NUDCD3: variants seen among roughly 807,000 people sequenced by gnomAD.
The protein encoded by NUDCD3 is NudC domain containing 3.
NUDCD3 carries 13 observed loss-of-function variants against 39.7 expected under a neutral mutation model. That is an observed-to-expected ratio of 0.33 (90% confidence interval 0.21 to 0.52). The LOEUF (loss-of-function observed/expected upper bound fraction) is 0.52. Ranked by LOEUF, NUDCD3 falls within the 20% of genes least tolerant of loss-of-function variation. The pLI is 0.96. For missense variants in NUDCD3, 453 were observed against 458.1 expected (o/e 0.99, Z 0.10); for synonymous variants, 175 against 172.4 (o/e 1.02, Z -0.12).
chr7:44,393,072 A>T (rs1019198815), intron 4 of NUDCD3, among the ~76,000 whole-genome samples: 6 of 152,108 alleles, frequency 3.9e-5, no homozygotes, highest in African/African-American at 1.4e-4. Flanking sequence ...TCCTCACCCC[A>T]TGACAGGGCA....
intron 2 of NUDCD3, among the ~76,000 whole-genome samples, chr7:44,462,657 T>TG (rs1193268925): frequency 4.6e-5 from 7 of 152,220 alleles, no homozygotes; most frequent in Non-Finnish European, 8.8e-5. Context: ...TAGGTGTCCT[T>TG]GGGGCAGTCA....
intron 2 of NUDCD3, among the ~76,000 whole-genome samples, chr7:44,452,336 T>C (rs1330548697): frequency 6.6e-6 from 1 of 152,210 alleles, no homozygotes; most frequent in African/African-American, 2.4e-5. Context: ...CTTGGGAGGC[T>C]GAGGTAAGAG....
chr7:44,435,271 G>A (rs1206881100), intron 2 of NUDCD3, among the ~76,000 whole-genome samples: 2 of 152,160 alleles, frequency 1.3e-5, no homozygotes, highest in African/African-American at 4.8e-5. Context: ...AGAGTTCCTG[G>A]AGATGTAGCT....
At chr7:44,444,642 C>T (rs557465002) in intron 2 of NUDCD3, among the ~76,000 whole-genome samples, 16 of 152,284 alleles carry the variant, frequency 1.1e-4, no homozygotes, top group African/African-American at 3.6e-4. Flanking sequence ...TTAATTAGCA[C>T]GCACCCACTA....
chr7:44,408,813 G>C (rs1268426276), intron 3 of NUDCD3, among the ~76,000 whole-genome samples: 1 of 152,160 alleles, frequency 6.6e-6, no homozygotes, highest in Non-Finnish European at 1.5e-5. Flanking sequence ...CCGCATTCCT[G>C]GTACAGCGTA....
In NUDCD3 at chr7:44,437,751, A is replaced by G. The variant is rs1309969962; in HGVS notation, c.510-10048T>C. Among the ~76,000 whole-genome samples, 4 of 152,244 alleles carry G rather than the reference A, an allele frequency of 2.6e-5. No homozygotes were observed. In the South Asian group the frequency reaches 8.3e-4, roughly 31 times the overall value. Reference sequence around the variant, plus strand: ...CTAGATGATTCTATATTTACTGAAAATAAATAAGGCAAGATACTTGGAGTC... The same window carrying G: ...CTAGATGATTCTATATTTACTGAAAGTAAATAAGGCAAGATACTTGGAGTC... On this transcript the variant is annotated intron_variant, in intron 2 of 5. Coordinates refer to ENST00000355451, the MANE Select transcript of NUDCD3 (RefSeq NM_015332.4).
In NUDCD3 at chr7:44,391,399, G is replaced by A. The variant is rs183892361; in HGVS notation, c.975+898C>T. ...CAACAGGGCTTGCAGAACCACCTACGATGTATTAATACGTGCTGTACCGGA... is the reference window on the plus strand; with the variant it reads ...CAACAGGGCTTGCAGAACCACCTACAATGTATTAATACGTGCTGTACCGGA... On this transcript the variant is annotated intron_variant, in intron 5 of 5. Transcript: ENST00000355451. Among the ~76,000 whole-genome samples, 462 of 152,290 alleles carry A rather than the reference G, an allele frequency of 3.0e-3. 2 individuals carry two copies. Among genetic ancestry groups the A allele is most frequent in the Admixed American group, 0.028 (430 of 15,300 alleles).
intron 2 of NUDCD3, among the ~76,000 whole-genome samples, chr7:44,454,698 G>A (rs938657516): frequency 6.6e-6 from 1 of 152,122 alleles, no homozygotes; most frequent in South Asian, 2.1e-4. Context: ...AGGCCAAGGC[G>A]GGAGGATCAC....
At chr7:44,451,912 T>C (rs1169883354) in intron 2 of NUDCD3, among the ~76,000 whole-genome samples, 2 of 152,108 alleles carry the variant, frequency 1.3e-5, no homozygotes, top group Non-Finnish European at 1.5e-5. Flanking sequence ...GTATTCACTA[T>C]GTTGGGAATG....
intron 3 of NUDCD3, among the ~76,000 whole-genome samples, chr7:44,425,260 G>T (rs1473909136): frequency 1.3e-5 from 2 of 151,986 alleles, no homozygotes; most frequent in Admixed American, 1.3e-4. Flanking sequence ...GTAAACCTAT[G>T]TAACAAACCT....
intron 4 of NUDCD3, among the ~76,000 whole-genome samples, chr7:44,400,299 G>A (rs1374249267): frequency 6.6e-6 from 1 of 152,224 alleles, no homozygotes; most frequent in Non-Finnish European, 1.5e-5. Context: ...ACTGTCATAC[G>A]GTTTTAGCAG....
intron 2 of NUDCD3, among the ~76,000 whole-genome samples, chr7:44,434,120 G>A (rs1563175742): frequency 6.6e-6 from 1 of 152,058 alleles, no homozygotes; most frequent in South Asian, 2.1e-4. Context: ...CTCATGGTCT[G>A]CCAGGCCCAC....
chr7:44,416,981 G>A (rs1410400753), intron 3 of NUDCD3, among the ~76,000 whole-genome samples: 1 of 152,174 alleles, frequency 6.6e-6, no homozygotes, highest in Non-Finnish European at 1.5e-5. Context: ...CCACACGAGT[G>A]CTGGTTAAAT....
At chr7:44,436,231 G>C (rs899156675) in intron 2 of NUDCD3, among the ~76,000 whole-genome samples, 1 of 152,104 alleles carries the variant, frequency 6.6e-6, no homozygotes, top group African/African-American at 2.4e-5. Context: ...ATTTCTTATT[G>C]AAGTATTTAC....
Position 44,392,458 on chromosome 7 carries a change from A to G in NUDCD3, c.814T>C (p.Trp272Arg). The G allele has an allele frequency of 6.2e-7, 1 of 1,614,068 alleles. No individual in the cohort carries two copies. Among genetic ancestry groups the G allele is most frequent in the Non-Finnish European group, 8.5e-7 (1 of 1,179,990 alleles). ...LVNLSKVGEYWWNAILEGEEP... is the reference protein window; with the variant it reads ...LVNLSKVGEYRWNAILEGEEP... Reference sequence around the variant, plus strand: ...TCTCCCTCCAGGATGGCGTTCCACCAATACTCGCCCACCTTGCTCAGGTTC... The same window carrying G: ...TCTCCCTCCAGGATGGCGTTCCACCGATACTCGCCCACCTTGCTCAGGTTC... Residue 272 changes from tryptophan to arginine, a missense_variant, in exon 5 of 6, where the codon TGG (tryptophan) becomes CGG (arginine). Coordinates refer to ENST00000355451, the MANE Select transcript of NUDCD3 (RefSeq NM_015332.4).
In NUDCD3 at chr7:44,390,302, A is replaced by G. The variant is rs537405082; in HGVS notation, c.975+1995T>C. On this transcript the variant is annotated intron_variant, in intron 5 of 5. Transcript: ENST00000355451. ...CCGCTTGAACCTGGGAGGCGGAGGT[A>G]TCAGTGAGCTGAGATCACACCACTG... 3.9e-5 allele frequency among the ~76,000 whole-genome samples: 6 copies of G among 152,230 alleles called. No individual in the cohort carries two copies. The East Asian group carries it at 5.8e-4, about 15-fold the overall frequency.
chr7:44,481,735 T>C (rs1563190771), intron 2 of NUDCD3, among the ~76,000 whole-genome samples: 2 of 152,224 alleles, frequency 1.3e-5, no homozygotes, highest in African/African-American at 4.8e-5. Flanking sequence ...AGAACTGAAG[T>C]GAACAATGCT....
At chr7:44,437,614 T>C (rs918748578) in intron 2 of NUDCD3, among the ~76,000 whole-genome samples, 11 of 152,232 alleles carry the variant, frequency 7.2e-5, no homozygotes, top group Admixed American at 2.0e-4. Flanking sequence ...GCCCCACTGA[T>C]ACTGTTTGAT....
At chr7:44,442,071 G>C (rs1015077785) in intron 2 of NUDCD3, among the ~76,000 whole-genome samples, 1 of 152,150 alleles carries the variant, frequency 6.6e-6, no homozygotes, top group Non-Finnish European at 1.5e-5. Context: ...GATGTTCCTG[G>C]GGTTAATGAG....
Sources: gnomAD v4.1 joint callset for allele counts (sites outside exome capture counted in the v4.1 genomes callset) on GRCh38, gnomAD v4.1.1 for gene constraint, MANE v1.5 for transcripts, NCBI Gene and HGNC (gene_info 2026-07-23, HGNC 2026-07-21) for gene names.